FLACC1: variants seen among roughly 807,000 people sequenced by gnomAD.
FLACC1 encodes the protein flagellum associated containing coiled-coil domains 1, also known as flagellum-associated coiled-coil domain-containing protein 1.
A neutral mutation model predicts 62.8 loss-of-function variants in FLACC1; 66 were observed. The observed-to-expected ratio is 1.05, with a 90% CI of 0.86 to 1.29. FLACC1 has a LOEUF of 1.29. Among genes scored for constraint, FLACC1 ranks in the 50% most tolerant of loss-of-function variants. The probability of loss-of-function intolerance (pLI) is 0.00; values close to 1 mark genes in which losing one functional copy is unlikely to be tolerated. For missense variants in FLACC1, 452 were observed against 489.1 expected, an observed-to-expected ratio of 0.92 and a Z score of 0.71; for synonymous variants, 156 against 161.0, an observed-to-expected ratio of 0.97 and a Z score of 0.24.
At chr2:201,348,214 A>G (rs772205559) in intron 4 of FLACC1, 40 bp downstream of exon 4, 3 of 1,600,288 alleles carry the variant, frequency 1.9e-6, no homozygotes, top group East Asian at 4.5e-5. Flanking sequence ...TAGGCACTCA[A>G]TAAATTTTAG....
chr2:201,346,789 G>A lies in FLACC1; in HGVS notation c.235-114C>T, dbSNP rs986492239. 1.5e-6 allele frequency: 2 copies of A among 1,342,368 alleles called. No individual in the cohort carries two copies. Among genetic ancestry groups the A allele is most frequent in the African/African-American group, 1.5e-5 (1 of 68,850 alleles). 83.2% of individuals were successfully genotyped at this position (1,342,368 alleles called of 1,614,324 possible). ...AAAAACAGGGACCTGGGACTCCACAGCCCAAGCCCTTCTGGGCCCTTCACC... is the reference window on the plus strand; with the variant it reads ...AAAAACAGGGACCTGGGACTCCACAACCCAAGCCCTTCTGGGCCCTTCACC... On this transcript the variant is annotated intron_variant, in intron 4 of 14. Coordinates refer to ENST00000392257, the MANE Select transcript of FLACC1 (RefSeq NM_001127391.3). This position sits in a 1 kb window ranked among gnomAD's most constrained non-coding sequence, Gnocchi z 4.0.
intron 1 of FLACC1, among the ~76,000 whole-genome samples, chr2:201,354,172 C>T (rs767353801): frequency 6.6e-6 from 1 of 152,218 alleles, no homozygotes; most frequent in Non-Finnish European, 1.5e-5. Context: ...ATCTGTTTTA[C>T]ATATGAGGAT....
intron 14 of FLACC1, 55 bp from the exon 15 acceptor site, chr2:201,288,836 T>C: frequency 6.3e-7 from 1 of 1,592,344 alleles, no homozygotes; most frequent in Non-Finnish European, 8.5e-7. Context: ...AGAAAGGGTA[T>C]AGGATATTTG....
intron 10 of FLACC1, among the ~76,000 whole-genome samples, chr2:201,307,862 T>C (rs1248766780): frequency 6.6e-6 from 1 of 152,210 alleles, no homozygotes; most frequent in Non-Finnish European, 1.5e-5. Context: ...GGTTCTTTTG[T>C]GTGTAGTTTA....
chr2:201,322,118 A>C, intron 9 of FLACC1, among the ~76,000 whole-genome samples: 1 of 151,926 alleles, frequency 6.6e-6, no homozygotes, highest in African/African-American at 2.4e-5. Context: ...AAAATACAAA[A>C]ATTAGTTGGG....
intron 11 of FLACC1, among the ~76,000 whole-genome samples, chr2:201,300,104 G>A (rs1046404456): frequency 7.9e-5 from 12 of 152,200 alleles, no homozygotes; most frequent in Non-Finnish European, 1.5e-4. Context: ...GCCACGGACC[G>A]GGAGCCGAAA....
intron 12 of FLACC1, among the ~76,000 whole-genome samples, chr2:201,294,611 A>T (rs1229673817): frequency 6.6e-6 from 1 of 152,184 alleles, no homozygotes; most frequent in Non-Finnish European, 1.5e-5. Flanking sequence ...AAAACTGGCA[A>T]AAGACAGGGA....
chr2:201,324,546 T>C (rs186965264), intron 9 of FLACC1, among the ~76,000 whole-genome samples: 1 of 152,312 alleles, frequency 6.6e-6, no homozygotes, highest in East Asian at 1.9e-4. Context: ...CCAAGAACTG[T>C]AGAATGTATG....
At chr2:201,317,173 A>G (rs980952853) in intron 9 of FLACC1, among the ~76,000 whole-genome samples, 21 of 152,178 alleles carry the variant, frequency 1.4e-4, no homozygotes, top group African/African-American at 5.1e-4. Flanking sequence ...ACTCCTCTTC[A>G]ACATAGTACT....
chr2:201,308,067 C>T (rs1032783769), intron 10 of FLACC1, among the ~76,000 whole-genome samples: 1 of 152,102 alleles, frequency 6.6e-6, no homozygotes, highest in Non-Finnish European at 1.5e-5. Context: ...CCAGTAGAGC[C>T]CCATTATCAA....
intron 9 of FLACC1, among the ~76,000 whole-genome samples, chr2:201,317,975 A>G (rs527905716): frequency 1.3e-5 from 2 of 152,250 alleles, no homozygotes; most frequent in Admixed American, 1.3e-4. Flanking sequence ...TGACTAAGCA[A>G]ACACAAATAT....
intron 12 of FLACC1, among the ~76,000 whole-genome samples, chr2:201,293,953 A>C (rs1406627156): frequency 1.5e-4 from 23 of 151,844 alleles, no homozygotes; most frequent in Admixed American, 3.3e-4. Context: ...ACACATACAC[A>C]CTCCCAAGAC....
At chr2:201,325,228 C>T (rs937654768) in intron 9 of FLACC1, among the ~76,000 whole-genome samples, 1 of 151,872 alleles carries the variant, frequency 6.6e-6, no homozygotes, top group African/African-American at 2.4e-5. Flanking sequence ...TCTGAAAGAG[C>T]ACAAATTGAC....
intron 9 of FLACC1, among the ~76,000 whole-genome samples, chr2:201,311,351 G>A (rs1950213536): frequency 6.6e-6 from 1 of 151,920 alleles, no homozygotes; most frequent in Admixed American, 6.6e-5. Flanking sequence ...GAAACTACAG[G>A]CCAATATCCC....
chr2:201,292,286 G>A (rs1949754120), intron 12 of FLACC1, among the ~76,000 whole-genome samples: 1 of 152,166 alleles, frequency 6.6e-6, no homozygotes, highest in South Asian at 2.1e-4. Flanking sequence ...GAAAGCTCGG[G>A]TTACCCACAA....
chr2:201,295,481 C>T (rs1282326309), intron 12 of FLACC1, among the ~76,000 whole-genome samples: 2 of 152,208 alleles, frequency 1.3e-5, no homozygotes, highest in Non-Finnish European at 2.9e-5. Flanking sequence ...AAACTGGATC[C>T]CTTCCTTACA....
chr2:201,322,381 T>C (rs951976398), intron 9 of FLACC1, among the ~76,000 whole-genome samples: 1 of 152,034 alleles, frequency 6.6e-6, no homozygotes, highest in East Asian at 1.9e-4. Context: ...TAGGAGACAG[T>C]GATCTTGCTA....
rs750752775 is a variant in FLACC1, at chr2:201,346,855, T to C, written c.235-180A>G. 5.3e-5 allele frequency among the ~76,000 whole-genome samples: 8 copies of C among 152,226 alleles called. No homozygotes were observed. The highest frequency in any genetic ancestry group is 7.3e-5 in the Non-Finnish European group (5 of 68,038). On this transcript the variant is annotated intron_variant, in intron 4 of 14. Transcript: ENST00000392257. The surrounding 1 kb of genome is among the most constrained non-coding windows in gnomAD (Gnocchi z 4.0). ...TCACATCTCTCCGACTCAAATCTGA[T>C]GCTTAGCAGGCTCCTGGGTGTCCCT...
intron 11 of FLACC1, among the ~76,000 whole-genome samples, chr2:201,299,872 T>C (rs982290805): frequency 1.5e-4 from 23 of 152,280 alleles, no homozygotes; most frequent in African/African-American, 5.5e-4. Context: ...ACTATATTAG[T>C]CTGATCTCAC....
Sources: allele counts gnomAD v4.1 joint callset (sites outside exome capture counted in the v4.1 genomes callset), GRCh38; gene constraint gnomAD v4.1.1; non-coding constraint Gnocchi (gnomAD v3.1); transcripts MANE v1.5; gene names NCBI Gene and HGNC (gene_info 2026-07-23, HGNC 2026-07-21).